KLF8: variants seen among roughly 807,000 people sequenced by gnomAD.
KLF8 encodes KLF transcription factor 8.
A neutral mutation model predicts 18.2 loss-of-function variants in KLF8; 10 were observed. That is an observed-to-expected ratio of 0.55 (90% confidence interval 0.34 to 0.93). KLF8 has a LOEUF of 0.93. Ranked by LOEUF, KLF8 falls within the 40% of genes least tolerant of loss-of-function variation. The probability of loss-of-function intolerance (pLI) is 0.02; values close to 1 mark genes in which losing one functional copy is unlikely to be tolerated. For missense variants in KLF8, 264 were observed against 277.9 expected (o/e 0.95, Z 0.36); for synonymous variants, 109 against 97.3 (o/e 1.12, Z -0.71).
At chrX:56,275,145 C>A (rs1296897302) in intron 5 of KLF8, among the ~76,000 whole-genome samples, 1 of 111,178 alleles carries the variant, frequency 9.0e-6, no homozygotes, top group Non-Finnish European at 1.9e-5. Context: ...CACGGAATAT[C>A]TTTCCTTTCG....
the KLF8 span, among the ~76,000 whole-genome samples, chrX:56,142,777 C>T: frequency 9.0e-6 from 1 of 111,638 alleles, no homozygotes; most frequent in Non-Finnish European, 1.9e-5. Flanking sequence ...GGCCCAAAAC[C>T]TTGAGGTCAT....
At chrX:56,195,639 C>T in the KLF8 span, among the ~76,000 whole-genome samples, 1 of 112,108 alleles carries the variant, frequency 8.9e-6, no homozygotes, top group East Asian at 2.8e-4. Context: ...GAGAATGGAA[C>T]CAAGTTGGAA....
chrX:56,220,960 A>G, the KLF8 span, among the ~76,000 whole-genome samples: 1 of 112,599 alleles, frequency 8.9e-6, no homozygotes, highest in Admixed American at 9.4e-5. Context: ...GTGCTTTGTC[A>G]TAGTTTATAT....
the KLF8 span, among the ~76,000 whole-genome samples, chrX:55,914,939 T>G: frequency 9.0e-6 from 1 of 111,230 alleles, no homozygotes; most frequent in Non-Finnish European, 1.9e-5. Flanking sequence ...CATAAACAGC[T>G]GCTTTCAGTA....
chrX:55,910,882 A>G, the KLF8 span, among the ~76,000 whole-genome samples: 2 of 111,869 alleles, frequency 1.8e-5, no homozygotes, highest in Non-Finnish European at 3.8e-5. Context: ...GTTTTATAAA[A>G]TAAATATCTG....
At chrX:56,031,923 CAG>C in the KLF8 span, among the ~76,000 whole-genome samples, 1 of 111,533 alleles carries the variant, frequency 9.0e-6, no homozygotes, top group Non-Finnish European at 1.9e-5. Context: ...GGGTATGTGA[CAG>C]GGGCTTCATG....
chrX:55,930,501 T>G, the KLF8 span, among the ~76,000 whole-genome samples: 1 of 112,244 alleles, frequency 8.9e-6, no homozygotes, highest in Admixed American at 9.4e-5. Context: ...GCCCATTCAG[T>G]GAGATATTGG....
At chrX:56,113,188 A>G in the KLF8 span, among the ~76,000 whole-genome samples, 4 of 101,978 alleles carry the variant, frequency 3.9e-5, no homozygotes, top group East Asian at 1.2e-3. Context: ...ACAGAGCAAG[A>G]CTCCATCTCA....
chrX:56,144,788 GTGTTTGTT>G, the KLF8 span, among the ~76,000 whole-genome samples: 1 of 97,113 alleles, frequency 1.0e-5, no homozygotes, highest in African/African-American at 3.8e-5. Context: ...AAAGAAGTTG[GTGTTTGTT>G]TGTTTGTTTG....
At chrX:56,146,722 AAAAG>A in the KLF8 span, among the ~76,000 whole-genome samples, 1 of 111,263 alleles carries the variant, frequency 9.0e-6, no homozygotes, top group African/African-American at 3.3e-5. Flanking sequence ...TAAAAAAAAA[AAAAG>A]AAGAAGAAGA....
chrX:55,988,169 G>T, the KLF8 span, among the ~76,000 whole-genome samples: 5 of 111,625 alleles, frequency 4.5e-5, no homozygotes, highest in African/African-American at 9.8e-5. Flanking sequence ...TACTCTGATG[G>T]TAGTTTCTTT....
Position 56,288,752 on chromosome X carries a change from CTTG to C in KLF8, c.*4262_*4264del, listed in dbSNP as rs769911256. Among the ~76,000 whole-genome samples, 1 of 112,730 alleles carries C rather than the reference CTTG, an allele frequency of 8.9e-6. No individual in the cohort carries two copies. The highest frequency in any genetic ancestry group is 9.4e-5 in the Admixed American group (1 of 10,653). The stretch of plus-strand genomic sequence containing the variant: ...CTGTTGGAAAAATGGTGCCAATAGA[CTTG>C]TTGGTCACAGGGTTGCCACAAACTT... On this transcript the variant is annotated 3_prime_UTR_variant, in exon 6 of 6. Coordinates refer to ENST00000468660, the MANE Select transcript of KLF8 (RefSeq NM_007250.5).
At chrX:56,052,668 C>G in the KLF8 span, among the ~76,000 whole-genome samples, 3 of 112,003 alleles carry the variant, frequency 2.7e-5, no homozygotes, top group Non-Finnish European at 5.6e-5. Flanking sequence ...CTGCTCTCTT[C>G]AAAGCTGTCA....
the KLF8 span, among the ~76,000 whole-genome samples, chrX:56,080,355 A>T: frequency 1.9e-5 from 2 of 106,912 alleles, no homozygotes; most frequent in South Asian, 8.3e-4. Flanking sequence ...TGGTGACAAA[A>T]TCTCTCAGCA....
At chrX:56,065,705 G>C in the KLF8 span, among the ~76,000 whole-genome samples, 1 of 111,016 alleles carries the variant, frequency 9.0e-6, no homozygotes, top group African/African-American at 3.3e-5. Flanking sequence ...ACAAAGATGG[G>C]TTTTTTTTAA....
the KLF8 span, among the ~76,000 whole-genome samples, chrX:56,090,772 G>A: frequency 3.6e-5 from 4 of 111,444 alleles, no homozygotes; most frequent in Admixed American, 3.8e-4. Context: ...CAACACCCAT[G>A]CATCTCCCAG....
the KLF8 span, among the ~76,000 whole-genome samples, chrX:56,026,031 G>A: frequency 8.9e-6 from 1 of 112,138 alleles, no homozygotes. Flanking sequence ...GCGTAGACCA[G>A]TCAACTTCCG....
the KLF8 span, among the ~76,000 whole-genome samples, chrX:56,092,685 A>G: frequency 9.1e-6 from 1 of 109,378 alleles, no homozygotes; most frequent in South Asian, 3.7e-4. Context: ...TAGCCTGGAA[A>G]TGTATTTTGA....
the KLF8 span, among the ~76,000 whole-genome samples, chrX:56,167,548 C>T: frequency 8.9e-6 from 1 of 111,977 alleles, no homozygotes; most frequent in African/African-American, 3.2e-5. Context: ...ATTCATGATG[C>T]TTGGCTTCAA....
Sources: allele counts gnomAD v4.1 joint callset (sites outside exome capture counted in the v4.1 genomes callset), GRCh38; gene constraint gnomAD v4.1.1; transcripts MANE v1.5; gene names NCBI Gene and HGNC (gene_info 2026-07-23, HGNC 2026-07-21).